Variants in DAPK1 observed in about 807,000 individuals in gnomAD.
The protein encoded by DAPK1 is death associated protein kinase 1, also known as death-associated protein kinase 1.
A neutral mutation model predicts 144.9 loss-of-function variants in DAPK1; 56 were observed. The observed-to-expected ratio is 0.39, with a 90% confidence interval of 0.31 to 0.48. The LOEUF is 0.48. Among genes scored for constraint, DAPK1 ranks in the 20% least tolerant of loss-of-function variants. The pLI, the probability that DAPK1 is intolerant of heterozygous loss-of-function variation, is 0.95. For synonymous variants in DAPK1, 690 were observed against 749.0 expected (o/e 0.92, Z 1.29); for missense variants, 1,454 against 1,875.4 (o/e 0.78, Z 4.15).
intron 2 of DAPK1, among the ~76,000 whole-genome samples, chr9:87,521,707 G>C (rs778508013): frequency 1.6e-4 from 25 of 152,188 alleles, no homozygotes; most frequent in Non-Finnish European, 3.7e-4. Flanking sequence ...CATCATTTAG[G>C]AAAGAGAAGA....
intron 18 of DAPK1, among the ~76,000 whole-genome samples, chr9:87,660,913 C>T (rs1019682855): frequency 1.3e-5 from 2 of 152,222 alleles, no homozygotes; most frequent in Non-Finnish European, 2.9e-5. Context: ...GAGGCAATCT[C>T]GGCTCACTGC....
chr9:87,529,361 C>G (rs907886970), intron 2 of DAPK1, among the ~76,000 whole-genome samples: 1 of 152,192 alleles, frequency 6.6e-6, no homozygotes, highest in South Asian at 2.1e-4. Context: ...CATACAGATT[C>G]GCTTCCAGTA....
Position 87,639,473 on chromosome 9 carries a change from A to G in DAPK1, c.543A>G (p.Pro181=). Residue 181 remains proline, a synonymous_variant, in exon 5 of 26, where the codon CCA becomes CCG. Transcript: ENST00000408954. ...AATTTAAAAACATATTTGGGACTCCAGAGTTTGTCGGTAAGTTTCTTTGCT... is the reference window on the plus strand; with the variant it reads ...AATTTAAAAACATATTTGGGACTCCGGAGTTTGTCGGTAAGTTTCTTTGCT... ...GNEFKNIFGT[P]EFVAPEIVNY... The G allele has an allele frequency of 6.2e-7, 1 of 1,612,086 alleles. No homozygotes were observed. The highest frequency in any genetic ancestry group is 8.5e-7 in the Non-Finnish European group (1 of 1,179,556).
At chr9:87,681,739 G>A (rs36217792) in intron 20 of DAPK1, 113 bp downstream of exon 20, 239 of 707,992 alleles carry the variant, frequency 3.4e-4, no homozygotes, top group Non-Finnish European at 5.7e-4. Context: ...GCCTATACTG[G>A]ACCCTGTGGC....
At chr9:87,571,651 C>G (rs936380348) in intron 2 of DAPK1, among the ~76,000 whole-genome samples, 2 of 152,182 alleles carry the variant, frequency 1.3e-5, no homozygotes, top group African/African-American at 4.8e-5. Flanking sequence ...GCTGCCCATC[C>G]GTCTGCCAGC....
In DAPK1 at chr9:87,706,118, T is replaced by C; in HGVS notation, c.3061-14T>C. 6.4e-7 allele frequency: 1 copy of C among 1,568,324 alleles called. No individual in the cohort carries two copies. The highest frequency in any genetic ancestry group is 8.7e-7 in the Non-Finnish European group (1 of 1,150,292). The stretch of plus-strand genomic sequence containing the variant: ...CTCTGTCCCTAAGCGTGACTTTCTG[T>C]TGTCCCCCCGCAGATCAACATCATG... On this transcript the variant is annotated splice_polypyrimidine_tract_variant and intron_variant, in intron 25 of 25. Transcript: ENST00000408954. The surrounding 1 kb of genome is among the most constrained non-coding windows in gnomAD (Gnocchi z 9.0).
rs36208061 is a variant in DAPK1 at position 87,615,455 on chromosome 9, A to G, written c.284+10280A>G. ...AACACTATTCAATTAACAGAGTTAC[A>G]TAGAAATGGGCTCAAGGACCTGGTC... is the stretch of plus-strand genomic sequence containing the variant. On this transcript the variant is annotated intron_variant, in intron 3 of 25. Transcript: ENST00000408954. Among the ~76,000 whole-genome samples, 535 of 152,354 alleles carry G rather than the reference A, an allele frequency of 3.5e-3. 4 individuals are homozygous for G. The highest frequency in any genetic ancestry group is 0.012 in the African/African-American group (514 of 41,586).
At position 87,499,241 on chromosome 9, in the gene DAPK1, C is replaced by G. The variant is rs1017791290; in HGVS notation, c.62+102C>G. The G allele has an allele frequency of 6.6e-6, 7 of 1,067,906 alleles. No individual in the cohort carries two copies. The Middle Eastern group carries it at 6.1e-4, about 93-fold the overall frequency. 66.2% of individuals were successfully genotyped at this position (1,067,906 alleles called of 1,614,324 possible). A position where few individuals can be genotyped will look rare whatever the true frequency, so the allele number is the denominator to read the frequency against. The stretch of plus-strand genomic sequence containing the variant: ...TGCAGTTTGAATCAGGCGTCTCCCT[C>G]GCCCTTTCTGGAGATGCGCAAATCA... On this transcript the variant is annotated intron_variant, in intron 2 of 25. Transcript: ENST00000408954.
chr9:87,567,620 A>G lies in DAPK1; in HGVS notation c.63-37334A>G, dbSNP rs36233189. Among the ~76,000 whole-genome samples the G allele has an allele frequency of 6.5e-3, 987 of 152,234 alleles. 9 individuals carry two copies. The highest frequency in any genetic ancestry group is 0.022 in the African/African-American group (928 of 41,530). On this transcript the variant is annotated intron_variant, in intron 2 of 25. Coordinates refer to ENST00000408954, the MANE Select transcript of DAPK1 (RefSeq NM_004938.4). Reference sequence around the variant, plus strand: ...TCTTCATTTGAATTCAAGAACCTATAGCCTCTTGGTTTCCACTGGCACGCT... The same window carrying G: ...TCTTCATTTGAATTCAAGAACCTATGGCCTCTTGGTTTCCACTGGCACGCT...
At chr9:87,604,844 G>T in intron 2 of DAPK1, 110 bp from the exon 3 acceptor site, 2 of 927,488 alleles carry the variant, frequency 2.2e-6, no homozygotes, top group Non-Finnish European at 3.3e-6. Context: ...TTCCACAATT[G>T]GAACTTTCCT....
At chr9:87,685,884 C>T (rs932485179) in intron 20 of DAPK1, among the ~76,000 whole-genome samples, 8 of 152,080 alleles carry the variant, frequency 5.3e-5, no homozygotes, top group Admixed American at 4.6e-4. Context: ...AATAAAATCC[C>T]GCTAAACGCC....
intron 18 of DAPK1, among the ~76,000 whole-genome samples, chr9:87,660,687 C>G (rs1830814364): frequency 6.6e-6 from 1 of 152,126 alleles, no homozygotes; most frequent in Admixed American, 6.5e-5. Context: ...CTCTTCTTCC[C>G]TGTGTACACA....
rs988434941 is a variant in DAPK1 at position 87,497,930 on chromosome 9, A to C, written c.-286A>C. ...GCCGGGGACTTTGTTCCCTCCGCGG[A>C]GGGGACTCGGCAACTCGCAGCGGCA... On this transcript the variant is annotated 5_prime_UTR_variant, in exon 1 of 26. Transcript: ENST00000408954. 3 of 395,838 alleles carry C rather than the reference A, an allele frequency of 7.6e-6. No homozygotes were observed. The highest frequency in any genetic ancestry group is 1.4e-4 in the South Asian group (1 of 7,008). 24.5% of individuals were successfully genotyped at this position (395,838 alleles called of 1,614,324 possible). A position where few individuals can be genotyped will look rare whatever the true frequency, so the allele number is the denominator to read the frequency against.
chr9:87,707,149 G>A lies in DAPK1; in HGVS notation c.4078G>A (p.Ala1360Thr), dbSNP rs747094261. 18 of 1,613,416 alleles carry A rather than the reference G, an allele frequency of 1.1e-5. No homozygotes were observed. In the South Asian group the frequency reaches 1.2e-4, roughly 11 times the overall value. The change falls in exon 26 of 26, where the codon GCC becomes ACC. Residue 1360 changes from alanine (A) to threonine (T), a missense_variant. Physicochemically the swap from Ala to Thr is moderately conservative, Grantham distance 58. Transcript: ENST00000408954. This position sits in a 1 kb window ranked among gnomAD's most constrained non-coding sequence, Gnocchi z 4.0. ...GGATTTCCTCCCCAGCCCCCTCCACGCCCTGCTGCGGGAATGGACCACCTA... is the reference window on the plus strand; with the variant it reads ...GGATTTCCTCCCCAGCCCCCTCCACACCCTGCTGCGGGAATGGACCACCTA... The part of the protein sequence containing the change: ...PKDFLPSPLH[A>T]LLREWTTYPE...
chr9:87,554,189 A>G (rs1826613883), intron 2 of DAPK1: 1 of 152,246 alleles, frequency 6.6e-6, no homozygotes, highest in Non-Finnish European at 1.5e-5. Context: ...CTTATAGTTC[A>G]TAAAGACCTA....
intron 2 of DAPK1, among the ~76,000 whole-genome samples, chr9:87,597,891 G>A (rs992161561): frequency 2.6e-5 from 4 of 152,030 alleles, no homozygotes; most frequent in Admixed American, 1.3e-4. Context: ...CCTGACTCAC[G>A]CTCAGCCTTC....
intron 18 of DAPK1, chr9:87,667,899 T>C (rs1009850039): frequency 6.6e-6 from 1 of 152,220 alleles, no homozygotes; most frequent in African/African-American, 2.4e-5. Context: ...CAGAGAGCAC[T>C]GAGAGCTGGG....
chr9:87,646,383 G>C lies in DAPK1; in HGVS notation c.1132-78G>C, dbSNP rs531283859. ...TCTGTTGAGACAGGGGAAGGTGTGT[G>C]GTAACAGCAATCATCGTTTGGGCTT... On this transcript the variant is annotated intron_variant, in intron 12 of 25. Transcript: ENST00000408954. 2.9e-6 allele frequency: 3 copies of C among 1,033,634 alleles called. No individual in the cohort carries two copies. In the South Asian group the frequency reaches 4.0e-5, roughly 14 times the overall value. 64.0% of individuals were successfully genotyped at this position (1,033,634 alleles called of 1,614,324 possible).
At chr9:87,498,630 C>G (rs149817803) in intron 1 of DAPK1, 1 of 334,338 alleles carries the variant, frequency 3.0e-6, no homozygotes, top group Non-Finnish European at 5.4e-6. Context: ...CCGCGGCGTC[C>G]CTGGAGGTGG....
Sources: allele counts gnomAD v4.1 joint callset (sites outside exome capture counted in the v4.1 genomes callset), GRCh38; gene constraint gnomAD v4.1.1; non-coding constraint Gnocchi (gnomAD v3.1); transcripts MANE v1.5; gene names NCBI Gene and HGNC (gene_info 2026-07-23, HGNC 2026-07-21).